The following CHRNB4 variants were observed in gnomAD, a reference collection of about 807,000 sequenced individuals.
CHRNB4 encodes the protein neuronal acetylcholine receptor subunit beta-4.
Under a neutral mutation model 40.4 loss-of-function variants are expected in CHRNB4, and 23 were observed. That is an observed-to-expected ratio of 0.57 (90% CI 0.41 to 0.81). CHRNB4 has a LOEUF of 0.81. CHRNB4 is among the 30% of genes least tolerant of loss of function. The pLI is 0.00. For missense variants in CHRNB4, 568 were observed against 670.6 expected (o/e 0.85, Z 1.69); for synonymous variants, 285 against 274.4 (o/e 1.04, Z -0.38).
chr15:78,626,487 C>A (rs113750809), intron 5 of CHRNB4: 7 of 152,310 alleles, frequency 4.6e-5, no homozygotes, highest in African/African-American at 1.4e-4. Flanking sequence ...TAGGGGCAGG[C>A]ATGCTCTAGA....
chr15:78,658,614 T>C (rs1055575372), intron 1 of CHRNB4, among the ~76,000 whole-genome samples: 7 of 152,166 alleles, frequency 4.6e-5, no homozygotes, highest in African/African-American at 1.7e-4. Flanking sequence ...AAAAAGAAAG[T>C]TGTAATAACT....
chr15:78,641,176 G>C lies in CHRNB4; in HGVS notation c.-43C>G. On this transcript the variant is annotated 5_prime_UTR_variant, in exon 1 of 6. Coordinates refer to ENST00000261751, the MANE Select transcript of CHRNB4 (RefSeq NM_000750.5). Reference sequence around the variant, plus strand: ...GGCAGCCGCCGCGAGCTCCGCTGTGGGGTCACAGGGCACCCGTGAGCCGCG... The same window carrying C: ...GGCAGCCGCCGCGAGCTCCGCTGTGCGGTCACAGGGCACCCGTGAGCCGCG... 6.6e-7 allele frequency: 1 copy of C among 1,515,604 alleles called. No homozygotes were observed. Among genetic ancestry groups the C allele is most frequent in the Non-Finnish European group, 8.8e-7 (1 of 1,132,178 alleles). 93.9% of individuals were successfully genotyped at this position (1,515,604 alleles called of 1,614,324 possible).
intron 5 of CHRNB4, among the ~76,000 whole-genome samples, chr15:78,653,986 G>A (rs2141410568): frequency 6.6e-6 from 1 of 152,316 alleles, no homozygotes; most frequent in Non-Finnish European, 1.5e-5. Context: ...AGGCTGTGCA[G>A]AGGAAGCTCA....
Position 78,625,160 on chromosome 15 carries a change from C to G in CHRNB4, c.1470G>C (p.Glu490Asp), listed in dbSNP as rs2141355794. The change falls in exon 6 of 6, where the codon GAG becomes GAC. Residue 490 changes from glutamate to aspartate, a missense_variant. Glu to Asp is a conservative substitution (Grantham distance 45). This residue lies in a region of CHRNB4 where 242 missense variants were observed against 274.9 expected (regional missense o/e 0.88). Transcript: ENST00000261751. The stretch of plus-strand genomic sequence containing the variant: ...AGTCACGCTGGGCAGCGTAGGGCCC[C>G]TCAGAAGCTGCATGGGTCTGGAAGA... ...PPLFQTHAAS[E>D]GPYAAQRD 1.9e-6 allele frequency: 3 copies of G among 1,613,922 alleles called. No homozygotes were observed. Among genetic ancestry groups the G allele is most frequent in the African/African-American group, 1.3e-5 (1 of 75,038 alleles).
intron 1 of CHRNB4, 62 bp from the exon 2 acceptor site, chr15:78,635,649 T>C: frequency 6.3e-7 from 1 of 1,599,124 alleles, no homozygotes; most frequent in Non-Finnish European, 8.5e-7. Context: ...CTGCAGCCTG[T>C]GGCAGCAGGG....
chr15:78,640,964 T>C, intron 1 of CHRNB4, 115 bp downstream of exon 1: 5 of 1,216,774 alleles, frequency 4.1e-6, no homozygotes, highest in Non-Finnish European at 5.7e-6. Context: ...GCCGGGACAA[T>C]CTCGGGCCAC....
At chr15:78,659,802 G>C (rs1197924281) in intron 1 of CHRNB4, among the ~76,000 whole-genome samples, 4 of 152,244 alleles carry the variant, frequency 2.6e-5, no homozygotes. Context: ...TAAGCAGGGA[G>C]TGATGTGACA....
chr15:78,631,432 G>T, intron 2 of CHRNB4, 100 bp from the exon 3 acceptor site: 1 of 1,119,642 alleles, frequency 8.9e-7, no homozygotes, highest in South Asian at 1.4e-5. Context: ...AGGCCCACGT[G>T]ACCAACTGCC....
At chr15:78,650,479 A>G (rs956215898) in intron 6 of CHRNB4, among the ~76,000 whole-genome samples, 1 of 152,198 alleles carries the variant, frequency 6.6e-6, no homozygotes, top group Non-Finnish European at 1.5e-5. Flanking sequence ...AGGAAGTAAG[A>G]GCCAAGCAGA....
At position 78,635,470 on chromosome 15, in the gene CHRNB4, A is replaced by T. The variant is rs1487600748; in HGVS notation, c.173T>A (p.Leu58Gln). ...TSSSQLISIK[L>Q]QLSLAQLISV... is the part of the protein sequence containing the mutation. ...GATAAGCTGGGCCAGGGAGAGCTGC[A>T]GCTTGATGGAGATGAGCTGTGAGGA... The change falls in exon 2 of 6, where the codon CTG (leucine) becomes CAG (glutamine). Residue 58 changes from leucine (L) to glutamine (Q), a missense_variant. By Grantham distance (113) the Leu-to-Gln change is moderately radical. Coordinates refer to ENST00000261751, the MANE Select transcript of CHRNB4 (RefSeq NM_000750.5). 6.2e-7 allele frequency: 1 copy of T among 1,613,994 alleles called. No homozygotes were observed. The highest frequency in any genetic ancestry group is 8.5e-7 in the Non-Finnish European group (1 of 1,180,020).
intron 1 of CHRNB4, among the ~76,000 whole-genome samples, chr15:78,659,769 G>A (rs1231897423): frequency 6.6e-6 from 1 of 152,198 alleles, no homozygotes; most frequent in Non-Finnish European, 1.5e-5. Context: ...TAGGAAAAGG[G>A]TTTAGTTTCT....
At chr15:78,638,056 G>A (rs1227572497) in intron 1 of CHRNB4, among the ~76,000 whole-genome samples, 2 of 152,224 alleles carry the variant, frequency 1.3e-5, no homozygotes, top group Admixed American at 6.5e-5. Context: ...AAGCCCATCT[G>A]GCATGTCTGA....
chr15:78,637,309 C>T (rs2053972709), intron 1 of CHRNB4, among the ~76,000 whole-genome samples: 1 of 152,134 alleles, frequency 6.6e-6, no homozygotes, highest in African/African-American at 2.4e-5. Context: ...GGCTTGTGTA[C>T]TCTAGTGTCT....
intron 5 of CHRNB4, among the ~76,000 whole-genome samples, chr15:78,655,275 A>G (rs907388751): frequency 2.6e-5 from 4 of 150,948 alleles, no homozygotes; most frequent in Non-Finnish European, 5.9e-5. Flanking sequence ...TGGCGTGATC[A>G]TGGCTCACTG....
intron 2 of CHRNB4, among the ~76,000 whole-genome samples, chr15:78,635,044 A>T (rs548158078): frequency 6.6e-6 from 1 of 152,182 alleles, no homozygotes; most frequent in South Asian, 2.1e-4. Context: ...CAGTTCCCCC[A>T]GTCTGGTTTT....
rs534736744 is a variant in CHRNB4, at chr15:78,629,044, G to A, written c.1261C>T (p.Arg421Ter). Residue 421 changes from arginine (R) to a stop codon, truncating the protein, a stop_gained, in exon 5 of 6, where the codon CGA (arginine) becomes TGA (stop). Transcript: ENST00000261751. LOFTEE classifies it high-confidence loss of function. This position sits in a 1 kb window ranked among gnomAD's most constrained non-coding sequence, Gnocchi z 6.8. ...DFWLRSSGRF[R>*]QDVQEALEGV... Reference sequence around the variant, plus strand: ...TCTAATGCCTCCTGCACATCCTGTCGGAACCTCCCAGAGGACCGCAGCCAG... The same window carrying A: ...TCTAATGCCTCCTGCACATCCTGTCAGAACCTCCCAGAGGACCGCAGCCAG... 3.1e-6 allele frequency: 5 copies of A among 1,614,144 alleles called. No individual in the cohort carries two copies. Among genetic ancestry groups the A allele is most frequent in the Admixed American group, 1.7e-5 (1 of 60,024 alleles).
At chr15:78,630,540 C>T (rs1681214971) in intron 4 of CHRNB4, among the ~76,000 whole-genome samples, 1 of 152,168 alleles carries the variant, frequency 6.6e-6, no homozygotes, top group African/African-American at 2.4e-5. Context: ...GATGGGAAAG[C>T]CAAAGCCCAA....
At chr15:78,643,609 T>C (rs1005895208), upstream of CHRNB4, among the ~76,000 whole-genome samples, 4 of 152,018 alleles carry the variant, frequency 2.6e-5, no homozygotes, top group African/African-American at 7.3e-5. Context: ...ATGCCCAACA[T>C]CAGAAATGTA....
Position 78,632,047 on chromosome 15 carries a change from A to C in CHRNB4, c.205-715T>G, listed in dbSNP as rs145847617. Reference sequence around the variant, plus strand: ...ACCCCCTGGGATGCTTCCACACTTTATTCTGTTATCAGAAATGTCATCCTA... The same window carrying C: ...ACCCCCTGGGATGCTTCCACACTTTCTTCTGTTATCAGAAATGTCATCCTA... On this transcript the variant is annotated intron_variant, in intron 2 of 5. Transcript: ENST00000261751. 3.6e-3 allele frequency among the ~76,000 whole-genome samples: 550 copies of C among 152,094 alleles called. 4 individuals are homozygous for C. The highest frequency in any genetic ancestry group is 0.013 in the African/African-American group (528 of 41,454).
Sources: gnomAD v4.1 joint callset for allele counts (sites outside exome capture counted in the v4.1 genomes callset) on GRCh38, gnomAD v4.1.1 for gene constraint, gnomAD v4.1.1 regional missense constraint, Gnocchi (gnomAD v3.1) non-coding constraint, MANE v1.5 for transcripts, NCBI Gene and HGNC (gene_info 2026-07-23, HGNC 2026-07-21) for gene names.